Variants in SLC24A2 observed in about 807,000 individuals in gnomAD.
SLC24A2 encodes sodium/potassium/calcium exchanger 2.
In SLC24A2, 36 loss-of-function variants were observed where a neutral mutation model predicts 62.0. The observed-to-expected ratio is 0.58, with a 90% CI of 0.44 to 0.77. The LOEUF is 0.77. Ranked by LOEUF, SLC24A2 falls within the 30% of genes least tolerant of loss-of-function variation. The pLI is 0.00. For synonymous variants in SLC24A2, 358 were observed against 294.0 expected (o/e 1.22, Z -2.23); for missense variants, 846 against 817.9 (o/e 1.03, Z -0.42).
the SLC24A2 span, among the ~76,000 whole-genome samples, chr9:20,008,867 G>A: frequency 1.3e-5 from 2 of 152,080 alleles, no homozygotes; most frequent in African/African-American, 2.4e-5. Context: ...TTGGCAAGAC[G>A]GGAAGAATAG....
chr9:20,049,027 A>C, the SLC24A2 span, among the ~76,000 whole-genome samples: 43 of 152,074 alleles, frequency 2.8e-4, no homozygotes, highest in Non-Finnish European at 5.6e-4. Flanking sequence ...GGTGTGCTGC[A>C]CCCATCAACT....
intron 7 of SLC24A2, among the ~76,000 whole-genome samples, chr9:19,553,412 C>T (rs1480587351): frequency 6.6e-6 from 1 of 152,070 alleles, no homozygotes; most frequent in East Asian, 1.9e-4. Context: ...GCAAAATGGT[C>T]CAGAAAGGAT....
At chr9:20,256,766 GA>G in the SLC24A2 span, among the ~76,000 whole-genome samples, 1 of 152,120 alleles carries the variant, frequency 6.6e-6, no homozygotes, top group Non-Finnish European at 1.5e-5. Context: ...CTAGACAGTA[GA>G]AGCAACCTCT....
chr9:19,789,416 A>G (rs747309449), upstream of SLC24A2, among the ~76,000 whole-genome samples: 16 of 152,206 alleles, frequency 1.1e-4, no homozygotes, highest in Non-Finnish European at 2.2e-4. Flanking sequence ...GTGATGTGTA[A>G]TGGTGGAAAA....
chr9:19,701,322 G>A (rs144784229), intron 2 of SLC24A2, among the ~76,000 whole-genome samples: 1 of 152,316 alleles, frequency 6.6e-6, no homozygotes, highest in East Asian at 1.9e-4. Flanking sequence ...ACTTCACTGT[G>A]TTCTGGCTGA....
intron 9 of SLC24A2, among the ~76,000 whole-genome samples, chr9:19,523,748 C>T (rs1473783956): frequency 6.6e-6 from 1 of 152,142 alleles, no homozygotes; most frequent in Non-Finnish European, 1.5e-5. Flanking sequence ...CAGGGGTGAG[C>T]CACGGCACCC....
At chr9:19,794,568 T>C in the SLC24A2 span, among the ~76,000 whole-genome samples, 1 of 146,830 alleles carries the variant, frequency 6.8e-6, no homozygotes, top group Admixed American at 7.1e-5. Flanking sequence ...TGTTTACCTC[T>C]GGAACCTACA....
intron 2 of SLC24A2, among the ~76,000 whole-genome samples, chr9:19,703,808 G>A: frequency 6.6e-6 from 1 of 152,144 alleles, no homozygotes. Context: ...ATAGTCTTAT[G>A]TGCTATGAAG....
At chr9:20,012,243 T>TG in the SLC24A2 span, among the ~76,000 whole-genome samples, 1 of 152,318 alleles carries the variant, frequency 6.6e-6, no homozygotes, top group East Asian at 1.9e-4. Context: ...TCCAGGTGGC[T>TG]GGGGAGGCCT....
intron 8 of SLC24A2, among the ~76,000 whole-genome samples, chr9:19,530,876 G>C (rs1171687637): frequency 6.6e-6 from 1 of 152,130 alleles, no homozygotes; most frequent in Admixed American, 6.5e-5. Flanking sequence ...CTGAACTAGA[G>C]ATAAAATTCA....
At chr9:20,295,098 G>A in the SLC24A2 span, among the ~76,000 whole-genome samples, 232 of 150,698 alleles carry the variant, frequency 1.5e-3, no homozygotes, top group Middle Eastern at 0.014. Flanking sequence ...AGTGTGTATT[G>A]CAACCTCAAG....
chr9:20,154,941 A>C, the SLC24A2 span, among the ~76,000 whole-genome samples: 1 of 151,554 alleles, frequency 6.6e-6, no homozygotes, highest in African/African-American at 2.4e-5. Context: ...GGGGTAAGGA[A>C]ATTCTCCTCA....
chr9:20,232,815 G>A, the SLC24A2 span, among the ~76,000 whole-genome samples: 1 of 152,124 alleles, frequency 6.6e-6, no homozygotes, highest in Non-Finnish European at 1.5e-5. Flanking sequence ...TAAGTGTGAT[G>A]TTAGGGTGTC....
chr9:20,172,096 A>G, the SLC24A2 span, among the ~76,000 whole-genome samples: 1 of 152,096 alleles, frequency 6.6e-6, no homozygotes, highest in Non-Finnish European at 1.5e-5. Flanking sequence ...GAAATTAAAT[A>G]ATCTGCTCCG....
the SLC24A2 span, among the ~76,000 whole-genome samples, chr9:20,285,539 G>C: frequency 6.6e-6 from 1 of 152,156 alleles, no homozygotes; most frequent in Non-Finnish European, 1.5e-5. Flanking sequence ...GGAGGGACAG[G>C]CTTTTTGTTC....
chr9:19,882,775 T>A, the SLC24A2 span, among the ~76,000 whole-genome samples: 4 of 152,162 alleles, frequency 2.6e-5, no homozygotes, highest in Admixed American at 2.6e-4. Flanking sequence ...TTTAGCTCAA[T>A]GATTCAAATA....
chr9:19,585,415 A>C (rs377151010), intron 5 of SLC24A2, among the ~76,000 whole-genome samples: 64 of 152,318 alleles, frequency 4.2e-4, no homozygotes, highest in Admixed American at 1.3e-3. Flanking sequence ...TGGCATCACA[A>C]GATGTTTCAA....
the SLC24A2 span, among the ~76,000 whole-genome samples, chr9:19,838,039 GC>G: frequency 6.7e-6 from 1 of 150,284 alleles, no homozygotes; most frequent in Non-Finnish European, 1.5e-5. Context: ...AGCTACCAAT[GC>G]CTTTCTTCAC....
At chr9:19,637,061 T>C (rs936096637) in intron 2 of SLC24A2, among the ~76,000 whole-genome samples, 1 of 149,492 alleles carries the variant, frequency 6.7e-6, no homozygotes, top group African/African-American at 2.6e-5. Context: ...ATCCAAATAA[T>C]ACTAATAGCA....
Sources: gnomAD v4.1 joint callset for allele counts (sites outside exome capture counted in the v4.1 genomes callset) on GRCh38, gnomAD v4.1.1 for gene constraint, MANE v1.5 for transcripts, NCBI Gene and HGNC (gene_info 2026-07-23, HGNC 2026-07-21) for gene names.